The following ARFGEF2 variants were observed in gnomAD, a reference collection of about 807,000 sequenced individuals.
ARFGEF2 encodes the protein ARF guanine nucleotide exchange factor 2.
In ARFGEF2, 74 loss-of-function variants were observed where a neutral mutation model predicts 219.9. The ratio of observed to expected loss-of-function variants is 0.34; its 90% CI spans 0.28 to 0.41. The LOEUF is 0.41. ARFGEF2 is among the 10% of genes least tolerant of loss of function. ARFGEF2 has a pLI of 1.00. For synonymous variants in ARFGEF2, 733 were observed against 799.2 expected, an observed-to-expected ratio of 0.92 and a Z score of 1.40; for missense variants, 1,743 against 2,218.3, an observed-to-expected ratio of 0.79 and a Z score of 4.30.
At chr20:48,950,811 A>ATATATATATATAT (rs1555808097) in intron 3 of ARFGEF2, among the ~76,000 whole-genome samples, 14 of 64,506 alleles carry the variant, frequency 2.2e-4, no homozygotes, top group Non-Finnish European at 2.9e-4. Flanking sequence ...AAAAAAAAAA[A>ATATATATATATAT]ATATATATAT....
At chr20:49,021,536 C>T (rs1432442762) in intron 34 of ARFGEF2, among the ~76,000 whole-genome samples, 1 of 151,886 alleles carries the variant, frequency 6.6e-6, no homozygotes, top group Non-Finnish European at 1.5e-5. Flanking sequence ...CTAATTTGAA[C>T]AGGGAAAATT....
chr20:49,034,126 G>C lies in ARFGEF2; in HGVS notation c.*927G>C, dbSNP rs2091653183. On this transcript the variant is annotated 3_prime_UTR_variant, in exon 39 of 39. Transcript: ENST00000371917. ...ACCTTTTTATTTTCACCTCAGAAAA[G>C]TGAGTGTACTGGCAGTTAGTGTCAC... is the stretch of plus-strand genomic sequence containing the variant. 1.3e-5 allele frequency: 2 copies of C among 152,196 alleles called. No individual in the cohort carries two copies. Among genetic ancestry groups the C allele is most frequent in the South Asian group, 2.1e-4 (1 of 4,832 alleles). 9.4% of individuals were successfully genotyped at this position (152,196 alleles called of 1,614,324 possible).
At position 48,998,366 on chromosome 20, in the gene ARFGEF2, C is replaced by A; in HGVS notation, c.3293C>A (p.Ser1098Tyr). The change falls in exon 25 of 39, where the codon TCC (serine) becomes TAC (tyrosine). Residue 1098 changes from serine (S) to tyrosine (Y), a missense_variant. Physicochemically the swap from Ser to Tyr is moderately radical, Grantham distance 144. Transcript: ENST00000371917. ...TTTGTCCGCTGGCTGTGTGCTGTGT[C>A]CATGGATGAACTGGCTTCCCCCCAC... The part of the protein sequence containing the change: ...VDFVRWLCAV[S>Y]MDELASPHHP... The A allele has an allele frequency of 6.2e-7, 1 of 1,614,092 alleles. No individual in the cohort carries two copies. The highest frequency in any genetic ancestry group is 8.5e-7 in the Non-Finnish European group (1 of 1,180,018).
At chr20:48,946,497 T>TA (rs1568696742) in intron 3 of ARFGEF2, among the ~76,000 whole-genome samples, 7 of 141,218 alleles carry the variant, frequency 5.0e-5, no homozygotes, top group South Asian at 4.6e-4. Flanking sequence ...ATATATATAT[T>TA]TTTATTTTTT....
intron 14 of ARFGEF2, among the ~76,000 whole-genome samples, chr20:48,983,862 G>T (rs2123449323): frequency 6.6e-6 from 1 of 152,202 alleles, no homozygotes; most frequent in East Asian, 1.9e-4. Context: ...TCCAGCTCAG[G>T]CCTGGTAAAT....
At chr20:49,031,784 C>T (rs1276834767) in intron 37 of ARFGEF2, among the ~76,000 whole-genome samples, 2 of 151,880 alleles carry the variant, frequency 1.3e-5, no homozygotes, top group Non-Finnish European at 2.9e-5. Flanking sequence ...GGCATGGTGG[C>T]GCAAGCATGT....
Position 49,033,142 on chromosome 20 carries a change from G to A in ARFGEF2, c.5301G>A (p.Lys1767=), listed in dbSNP as rs772613273. 4 of 1,614,238 alleles carry A rather than the reference G, an allele frequency of 2.5e-6. No individual in the cohort carries two copies. The highest frequency in any genetic ancestry group is 3.4e-6 in the Non-Finnish European group (4 of 1,180,052). ...KFFLRIGVVY[K]IWIPEEPSQV... is the part of the protein sequence containing the mutation. The stretch of plus-strand genomic sequence containing the variant: ...TCCTACGGATAGGTGTTGTGTATAA[G>A]ATATGGATACCAGAAGAGCCATCAC... Residue 1767 remains lysine (K), a synonymous_variant, in exon 39 of 39, where the codon AAG becomes AAA. Coordinates refer to ENST00000371917, the MANE Select transcript of ARFGEF2 (RefSeq NM_006420.3).
At chr20:48,998,577 A>C (rs2091405712) in intron 25 of ARFGEF2, 72 bp downstream of exon 25, 1 of 1,527,508 alleles carries the variant, frequency 6.5e-7, no homozygotes, top group Admixed American at 1.8e-5. Context: ...CAAAAAAAGA[A>C]GTGATAAATA....
intron 6 of ARFGEF2, among the ~76,000 whole-genome samples, chr20:48,955,745 G>A (rs1983639): frequency 0.36 from 54,909 of 151,986 alleles, 10,761 homozygotes; most frequent in African/African-American, 0.53. Context: ...CCTGCAAATA[G>A]TGGGTCAGAA....
At chr20:48,937,278 A>G (rs1400940770) in intron 1 of ARFGEF2, among the ~76,000 whole-genome samples, 1 of 152,204 alleles carries the variant, frequency 6.6e-6, no homozygotes, top group Non-Finnish European at 1.5e-5. Flanking sequence ...CTGTCCGAAG[A>G]AAAGTTGAGT....
At position 48,988,363 on chromosome 20, in the gene ARFGEF2, T is replaced by C. The variant is rs749854332; in HGVS notation, c.2336T>C (p.Leu779Pro). 6.2e-7 allele frequency: 1 copy of C among 1,613,852 alleles called. No homozygotes were observed. Among genetic ancestry groups the C allele is most frequent in the Admixed American group, 1.7e-5 (1 of 60,032 alleles). The change falls in exon 17 of 39, where the codon CTG (leucine) becomes CCG (proline). Residue 779 changes from leucine (L) to proline (P), a missense_variant. Leu to Pro is a moderately conservative substitution (Grantham distance 98). Around this residue, in one of 5 missense-constraint regions of ARFGEF2, gnomAD observed 666 missense variants for 955.4 expected, o/e 0.70. Transcript: ENST00000371917. The part of the protein sequence containing the change: ...AYVLAYSIIM[L>P]TTDLHSPQVK... ...GTCCTAGCGTATTCAATTATTATGC[T>C]GACTACAGACTTGCACAGTCCTCAG...
At chr20:48,970,360 C>T (rs59208580) in intron 9 of ARFGEF2, among the ~76,000 whole-genome samples, 93 of 152,116 alleles carry the variant, frequency 6.1e-4, no homozygotes, top group African/African-American at 2.1e-3. Context: ...CCTGTAATCC[C>T]AGCACTTTGG....
At chr20:48,938,821 C>G (rs1568691978) in intron 1 of ARFGEF2, among the ~76,000 whole-genome samples, 1 of 152,184 alleles carries the variant, frequency 6.6e-6, no homozygotes. Flanking sequence ...AGCTGAGGAG[C>G]TGCCGCACCC....
At chr20:48,930,091 G>GCTA (rs1039064190) in intron 1 of ARFGEF2, among the ~76,000 whole-genome samples, 2 of 152,216 alleles carry the variant, frequency 1.3e-5, no homozygotes, top group Non-Finnish European at 2.9e-5. Flanking sequence ...TTAACAGAAT[G>GCTA]CTACTCACTG....
At chr20:48,943,106 C>T (rs1449080365) in intron 3 of ARFGEF2, among the ~76,000 whole-genome samples, 1 of 151,970 alleles carries the variant, frequency 6.6e-6, no homozygotes, top group Admixed American at 6.6e-5. Flanking sequence ...CAAAAAGCAC[C>T]AAAATGCAAA....
chr20:49,033,302 T>C lies in ARFGEF2; in HGVS notation c.*103T>C, dbSNP rs1481941922. On this transcript the variant is annotated 3_prime_UTR_variant, in exon 39 of 39. Transcript: ENST00000371917. ...TTCATAGAAACAAGGAGTTGGCATC[T>C]TGGATCTCAGAATGGCCTGGAAACG... The C allele has an allele frequency of 7.3e-7, 1 of 1,369,852 alleles. No homozygotes were observed. The highest frequency in any genetic ancestry group is 1.0e-6 in the Non-Finnish European group (1 of 979,076). 84.9% of individuals were successfully genotyped at this position (1,369,852 alleles called of 1,614,324 possible). A position where few individuals can be genotyped will look rare whatever the true frequency, so the allele number is the denominator to read the frequency against.
intron 6 of ARFGEF2, among the ~76,000 whole-genome samples, chr20:48,959,180 A>C (rs2123376252): frequency 6.6e-6 from 1 of 152,262 alleles, no homozygotes; most frequent in Non-Finnish European, 1.5e-5. Flanking sequence ...CTGAGGCTGT[A>C]GCTTCTTTGA....
chr20:48,960,772 T>C (rs1403695575), intron 6 of ARFGEF2, among the ~76,000 whole-genome samples: 1 of 148,716 alleles, frequency 6.7e-6, no homozygotes, highest in Non-Finnish European at 1.5e-5. Flanking sequence ...CATGAGCCAC[T>C]GTGCCCAGCC....
intron 35 of ARFGEF2, among the ~76,000 whole-genome samples, chr20:49,023,724 G>C (rs1419085465): frequency 1.3e-5 from 2 of 151,514 alleles, no homozygotes; most frequent in African/African-American, 4.8e-5. Context: ...ATTTTTAGTA[G>C]AGACGGGGTT....
Sources: gnomAD v4.1 joint callset for allele counts (sites outside exome capture counted in the v4.1 genomes callset) on GRCh38, gnomAD v4.1.1 for gene constraint, gnomAD v4.1.1 regional missense constraint, MANE v1.5 for transcripts, NCBI Gene and HGNC (gene_info 2026-07-23, HGNC 2026-07-21) for gene names.